LRCH1: variants seen among roughly 807,000 people sequenced by gnomAD.
LRCH1 encodes leucine rich repeats and calponin homology domain containing 1, also known as leucine-rich repeat and calponin homology domain-containing protein 1.
LRCH1 carries 23 observed loss-of-function variants against 94.9 expected under a neutral mutation model. That is an observed-to-expected ratio of 0.24 (90% CI 0.17 to 0.34). LRCH1 has a LOEUF of 0.34. Ranked by LOEUF, LRCH1 falls within the 10% of genes least tolerant of loss-of-function variation. The probability of loss-of-function intolerance (pLI) is 1.00; values close to 1 mark genes in which losing one functional copy is unlikely to be tolerated. For missense variants in LRCH1, 790 were observed against 945.9 expected (o/e 0.84, Z 2.16); for synonymous variants, 364 against 354.9 (o/e 1.03, Z -0.29).
chr13:46,557,617 T>A (rs2050080223), intron 1 of LRCH1, among the ~76,000 whole-genome samples: 1 of 151,248 alleles, frequency 6.6e-6, no homozygotes, highest in South Asian at 2.1e-4. Flanking sequence ...CCAAGGTGGG[T>A]GGATCACCTG....
chr13:46,746,261 G>A (rs1675713291), downstream of LRCH1, among the ~76,000 whole-genome samples: 2 of 152,198 alleles, frequency 1.3e-5, no homozygotes, highest in South Asian at 4.1e-4. Context: ...TTATCATAAA[G>A]AAATCACCAA....
chr13:46,704,890 A>C (rs994738052), intron 11 of LRCH1, among the ~76,000 whole-genome samples, 178 bp from the exon 12 acceptor site: 5 of 152,150 alleles, frequency 3.3e-5, no homozygotes, highest in Admixed American at 6.5e-5. Context: ...ATATTTTGGC[A>C]TGCAGTGGGA....
chr13:46,689,096 T>C, intron 6 of LRCH1, 37 bp from the exon 7 acceptor site: 1 of 1,515,206 alleles, frequency 6.6e-7, no homozygotes, highest in Admixed American at 1.8e-5. Flanking sequence ...TTTTAATCTT[T>C]TTTAAATGAA....
At chr13:46,642,711 G>A (rs61949299) in intron 1 of LRCH1, among the ~76,000 whole-genome samples, 2,418 of 152,264 alleles carry the variant, frequency 0.016, 36 homozygotes, top group Middle Eastern at 0.031. Flanking sequence ...TATCCAAATC[G>A]GACCCTTTCT....
At chr13:46,572,249 T>G (rs1030042399) in intron 1 of LRCH1, among the ~76,000 whole-genome samples, 2 of 152,202 alleles carry the variant, frequency 1.3e-5, no homozygotes, top group African/African-American at 4.8e-5. Flanking sequence ...TGGGGAGGAC[T>G]TTGGTTCTCT....
intron 1 of LRCH1, among the ~76,000 whole-genome samples, chr13:46,562,346 C>G (rs1426756545): frequency 6.6e-6 from 1 of 152,176 alleles, no homozygotes; most frequent in Non-Finnish European, 1.5e-5. Flanking sequence ...GCTGGAAGTC[C>G]AAGATCAAGG....
chr13:46,692,256 A>G (rs551877049), intron 7 of LRCH1, among the ~76,000 whole-genome samples: 2 of 152,332 alleles, frequency 1.3e-5, no homozygotes, highest in South Asian at 2.1e-4. Flanking sequence ...CAATGTGAAC[A>G]CACCCGTATA....
intron 1 of LRCH1, among the ~76,000 whole-genome samples, chr13:46,578,475 A>T (rs1457452497): frequency 6.6e-6 from 1 of 152,184 alleles, no homozygotes; most frequent in Non-Finnish European, 1.5e-5. Context: ...GAGCCTGGTA[A>T]TGTACAGACA....
Position 46,553,355 on chromosome 13 carries a change from C to G in LRCH1, c.-42C>G, listed in dbSNP as rs1485777390. On this transcript the variant is annotated 5_prime_UTR_variant, in exon 1 of 20. Coordinates refer to ENST00000389797, the MANE Select transcript of LRCH1 (RefSeq NM_001164211.2). ...CCCTCGCGGGGAACGCTGTGACCCC[C>G]CCGCAGGAGCGGCGGGGCGGGGTGG... is the stretch of plus-strand genomic sequence containing the variant. 1.4e-6 allele frequency: 2 copies of G among 1,475,350 alleles called. No homozygotes were observed. Among genetic ancestry groups the G allele is most frequent in the Non-Finnish European group, 1.8e-6 (2 of 1,100,494 alleles). The allele number at this position is 1,475,350 out of a possible 1,614,324, so 91.4% of individuals were successfully genotyped here. A position where few individuals can be genotyped will look rare whatever the true frequency, so the allele number is the denominator to read the frequency against.
rs763518137 is a variant in LRCH1 at position 46,731,727 on chromosome 13, C to G, written c.2008-2194C>G. Among the ~76,000 whole-genome samples the G allele has an allele frequency of 1.4e-4, 22 of 152,324 alleles. No homozygotes were observed. The Middle Eastern group carries it at 0.01, about 71-fold the overall frequency. On this transcript the variant is annotated intron_variant, in intron 18 of 19. Coordinates refer to ENST00000389797, the MANE Select transcript of LRCH1 (RefSeq NM_001164211.2). ...AGCCACGCTGTAGCCGTAGAACCTG[C>G]TTTCCTTCTTTCTTCTCTGCCGTTG...
chr13:46,582,677 T>TTTTTTTTTC, intron 1 of LRCH1, among the ~76,000 whole-genome samples: 1 of 140,118 alleles, frequency 7.1e-6, no homozygotes, highest in Non-Finnish European at 1.5e-5. Flanking sequence ...TTTTTTGTAT[T>TTTTTTTTTC]TTTAGTAGAG....
In LRCH1 at chr13:46,630,070, G is replaced by A. The variant is rs114710396; in HGVS notation, c.308-20131G>A. ...TAGAGCTTGTGAGTCTAACAATTTTGATGTCAATGGACCTTATTCTTGGAA... is the reference window on the plus strand; with the variant it reads ...TAGAGCTTGTGAGTCTAACAATTTTAATGTCAATGGACCTTATTCTTGGAA... On this transcript the variant is annotated intron_variant, in intron 1 of 19. Coordinates refer to ENST00000389797, the MANE Select transcript of LRCH1 (RefSeq NM_001164211.2). Among the ~76,000 whole-genome samples the A allele has an allele frequency of 2.1e-3, 314 of 152,336 alleles. 1 individual carries two copies. The highest frequency in any genetic ancestry group is 7.5e-3 in the African/African-American group (310 of 41,568).
chr13:46,661,022 C>T (rs1593333013), intron 2 of LRCH1, among the ~76,000 whole-genome samples: 1 of 152,260 alleles, frequency 6.6e-6, no homozygotes, highest in Non-Finnish European at 1.5e-5. Context: ...ATCTTTGACC[C>T]CTTTCCTCCA....
intron 11 of LRCH1, among the ~76,000 whole-genome samples, chr13:46,702,465 A>G (rs1396624085): frequency 1.3e-5 from 2 of 152,168 alleles, no homozygotes; most frequent in South Asian, 2.1e-4. Flanking sequence ...TCGTGCCACC[A>G]CACTCCAGCC....
At chr13:46,752,105 A>T (rs888014198) in exon 19 of LRCH1, 1 of 152,430 alleles carries the variant, frequency 6.6e-6, no homozygotes, top group East Asian at 1.9e-4. Flanking sequence ...ATAGGGCTAG[A>T]GAAGAACCAG....
chr13:46,695,166 G>C lies in LRCH1; in HGVS notation c.1245+149G>C, dbSNP rs9316223. The stretch of plus-strand genomic sequence containing the variant: ...CGTTCCAAACATCTCAGCGCTCAGC[G>C]TGTCTATTTGCTGATGTGAGGAGCT... On this transcript the variant is annotated intron_variant, in intron 9 of 19. Transcript: ENST00000389797. The C allele has an allele frequency of 8.7e-4, 765 of 881,282 alleles. 4 individuals are homozygous for C. The highest frequency in any genetic ancestry group is 3.6e-3 in the Middle Eastern group (10 of 2,808). The allele number at this position is 881,282 out of a possible 1,614,324, so 54.6% of individuals were successfully genotyped here.
At chr13:46,596,137 G>C (rs917596099) in intron 1 of LRCH1, among the ~76,000 whole-genome samples, 1 of 152,184 alleles carries the variant, frequency 6.6e-6, no homozygotes. Context: ...GGTTATCATA[G>C]ATGAGGGAGT....
intron 6 of LRCH1, among the ~76,000 whole-genome samples, chr13:46,688,913 G>T (rs1870756924): frequency 6.6e-6 from 1 of 152,118 alleles, no homozygotes; most frequent in Non-Finnish European, 1.5e-5. Context: ...CGAACACAAA[G>T]AATTTTATCT....
At chr13:46,630,624 G>A (rs1294849414) in intron 1 of LRCH1, among the ~76,000 whole-genome samples, 3 of 152,160 alleles carry the variant, frequency 2.0e-5, no homozygotes, top group African/African-American at 7.2e-5. Flanking sequence ...AAGCTTTTGT[G>A]TGTCTTAAGA....
Sources: allele counts gnomAD v4.1 joint callset (sites outside exome capture counted in the v4.1 genomes callset), GRCh38; gene constraint gnomAD v4.1.1; transcripts MANE v1.5; gene names NCBI Gene and HGNC (gene_info 2026-07-23, HGNC 2026-07-21).